The following TMEM266 variants were observed in gnomAD, a reference collection of about 807,000 sequenced individuals.
TMEM266 encodes the protein Hv1 related protein 1.
TMEM266 carries 33 observed loss-of-function variants against 50.5 expected under a neutral mutation model. That is an observed-to-expected ratio of 0.65 (90% CI 0.50 to 0.87). TMEM266 has a LOEUF of 0.87. Among genes scored for constraint, TMEM266 ranks in the 40% least tolerant of loss-of-function variants. The probability of loss-of-function intolerance (pLI) is 0.00; values close to 1 mark genes in which losing one functional copy is unlikely to be tolerated. For missense variants in TMEM266, 655 were observed against 695.1 expected (o/e 0.94, Z 0.65); for synonymous variants, 310 against 292.3 (o/e 1.06, Z -0.62).
chr15:76,191,520 G>C (rs555162724), intron 8 of TMEM266: 1 of 154,038 alleles, frequency 6.5e-6, no homozygotes, highest in South Asian at 2.0e-4. Flanking sequence ...CGCCAGGATG[G>C]GGTCCCCCAG....
intron 10 of TMEM266, among the ~76,000 whole-genome samples, chr15:76,202,955 C>T (rs2038772786): frequency 6.6e-6 from 1 of 152,074 alleles, no homozygotes; most frequent in Admixed American, 6.5e-5. Flanking sequence ...CTCTTCTCTC[C>T]TCCCTCAAAG....
At chr15:76,202,307 G>C in intron 10 of TMEM266, 43 bp downstream of exon 10, 1 of 1,553,508 alleles carries the variant, frequency 6.4e-7, no homozygotes, top group Non-Finnish European at 8.8e-7. Flanking sequence ...CACAACCCCA[G>C]CAATCCCTAA....
At position 76,204,312 on chromosome 15, in the gene TMEM266, C is replaced by G. The variant is rs775551637; in HGVS notation, c.1593C>G (p.Ala531=). The change falls in exon 11 of 11, where the codon GCC becomes GCG. Residue 531 remains alanine, a synonymous_variant. Coordinates refer to ENST00000388942, the MANE Select transcript of TMEM266 (RefSeq NM_152335.3). The stretch of plus-strand genomic sequence containing the variant: ...AAAAGCTGCACAGGGTCCCTGAGGC[C>G]TAGAGCCTGCCATGGGCTGGGTGAG... 1.9e-6 allele frequency: 3 copies of G among 1,598,248 alleles called. No individual in the cohort carries two copies. Among genetic ancestry groups the G allele is most frequent in the African/African-American group, 2.7e-5 (2 of 74,770 alleles).
chr15:76,082,485 G>A (rs2036709914), intron 1 of TMEM266, among the ~76,000 whole-genome samples: 1 of 152,220 alleles, frequency 6.6e-6, no homozygotes, highest in Non-Finnish European at 1.5e-5. Flanking sequence ...AGAGTATTAT[G>A]ATGGAGTCAG....
chr15:76,083,537 T>C (rs1025143925), intron 1 of TMEM266, among the ~76,000 whole-genome samples: 4 of 152,184 alleles, frequency 2.6e-5, no homozygotes, highest in African/African-American at 9.7e-5. Context: ...ACTTAATTCC[T>C]GCATCTCCTT....
chr15:76,102,862 G>T (rs936530396), intron 1 of TMEM266, among the ~76,000 whole-genome samples: 1 of 146,168 alleles, frequency 6.8e-6, no homozygotes, highest in African/African-American at 2.6e-5. Flanking sequence ...AAAAAAAAAC[G>T]GAGTCAGTGT....
intron 1 of TMEM266, among the ~76,000 whole-genome samples, chr15:76,083,886 G>C (rs1322017458): frequency 6.6e-6 from 1 of 152,214 alleles, no homozygotes; most frequent in East Asian, 1.9e-4. Flanking sequence ...GTCAGGTAGA[G>C]AGAAGGAAAT....
At chr15:76,061,352 A>G (rs1449020156) in intron 1 of TMEM266, among the ~76,000 whole-genome samples, 1 of 152,184 alleles carries the variant, frequency 6.6e-6, no homozygotes, top group African/African-American at 2.4e-5. Context: ...TGCTATGTCC[A>G]TGTTGAAGAT....
chr15:76,199,943 A>G (rs1285212377), intron 9 of TMEM266, among the ~76,000 whole-genome samples: 1 of 152,178 alleles, frequency 6.6e-6, no homozygotes, highest in Non-Finnish European at 1.5e-5. Flanking sequence ...CGTGAGTAGA[A>G]ATGGGCTTGT....
intron 4 of TMEM266, among the ~76,000 whole-genome samples, chr15:76,158,962 G>A (rs2037970321): frequency 6.6e-6 from 1 of 152,164 alleles, no homozygotes; most frequent in Non-Finnish European, 1.5e-5. Context: ...GAGGTTGTGG[G>A]TTCCTCTGTT....
At chr15:76,088,785 A>G (rs964237861) in intron 1 of TMEM266, among the ~76,000 whole-genome samples, 8 of 150,328 alleles carry the variant, frequency 5.3e-5, no homozygotes, top group Non-Finnish European at 1.0e-4. Context: ...CTACAGAGTG[A>G]GACTCCATCT....
rs182494968 is a variant in TMEM266, at chr15:76,064,240, G to A, written c.-97+4224G>A. Among the ~76,000 whole-genome samples the A allele has an allele frequency of 4.4e-4, 67 of 152,264 alleles. 1 individual carries two copies. Among genetic ancestry groups the A allele is most frequent in the African/African-American group, 1.5e-3 (61 of 41,546 alleles). On this transcript the variant is annotated intron_variant, in intron 1 of 10. Transcript: ENST00000388942. ...CTTGCACTGCCTGCATTATTAGCCTGTTGCATTTTTTAAACATTAAATACC... is the reference window on the plus strand; with the variant it reads ...CTTGCACTGCCTGCATTATTAGCCTATTGCATTTTTTAAACATTAAATACC...
At chr15:76,189,938 C>T (rs1567182109) in intron 8 of TMEM266, among the ~76,000 whole-genome samples, 1 of 152,256 alleles carries the variant, frequency 6.6e-6, no homozygotes, top group Non-Finnish European at 1.5e-5. Context: ...TGAAAACCTG[C>T]AGTCCCAGAG....
At position 76,139,267 on chromosome 15, in the gene TMEM266, T is replaced by C. The variant is rs2037639567; in HGVS notation, c.227+1372T>C. ...CAATGGTGAAACCACACACCTTTTT[T>C]TGCAGAAACTACACCCCAGTGGCTT... On this transcript the variant is annotated intron_variant, in intron 3 of 10. Transcript: ENST00000388942. This position sits in a 1 kb window ranked among gnomAD's most constrained non-coding sequence, Gnocchi z 4.1. Among the ~76,000 whole-genome samples the C allele has an allele frequency of 6.6e-6, 1 of 152,240 alleles. No individual in the cohort carries two copies. The highest frequency in any genetic ancestry group is 2.4e-5 in the African/African-American group (1 of 41,464).
intron 1 of TMEM266, among the ~76,000 whole-genome samples, chr15:76,091,946 A>T (rs1407692972): frequency 2.0e-5 from 3 of 151,966 alleles, no homozygotes; most frequent in Admixed American, 6.5e-5. Context: ...AGCACTGATT[A>T]TGCCACTGCA....
At chr15:76,181,454 T>C (rs1343233719) in intron 8 of TMEM266, 4 of 152,296 alleles carry the variant, frequency 2.6e-5, no homozygotes, top group African/African-American at 7.2e-5. Flanking sequence ...CCATGCCTTC[T>C]GCAGTCCCTT....
intron 9 of TMEM266, among the ~76,000 whole-genome samples, chr15:76,195,036 T>C (rs1209264234): frequency 6.6e-6 from 1 of 152,172 alleles, no homozygotes; most frequent in Non-Finnish European, 1.5e-5. Context: ...TGGAACAACC[T>C]TTAGTTCTGT....
In TMEM266 at chr15:76,160,325, G is replaced by T. The variant is rs988459741; in HGVS notation, c.456+157G>T. Among the ~76,000 whole-genome samples the T allele has an allele frequency of 6.6e-6, 1 of 152,210 alleles. No homozygotes were observed. Among genetic ancestry groups the T allele is most frequent in the African/African-American group, 2.4e-5 (1 of 41,452 alleles). ...CACAATATAGATAGATGATCTCTGC[G>T]GGGGGAAGTGGTACAGGGAGCCCAA... On this transcript the variant is annotated intron_variant, in intron 5 of 10. Coordinates refer to ENST00000388942, the MANE Select transcript of TMEM266 (RefSeq NM_152335.3). This position sits in a 1 kb window ranked among gnomAD's most constrained non-coding sequence, Gnocchi z 5.7.
At chr15:76,196,303 C>T (rs2038655528) in intron 9 of TMEM266, among the ~76,000 whole-genome samples, 1 of 152,174 alleles carries the variant, frequency 6.6e-6, no homozygotes, top group Admixed American at 6.5e-5. Context: ...ACTGCCTGCC[C>T]CAGCCTAGGC....
Sources: gnomAD v4.1 joint callset for allele counts (sites outside exome capture counted in the v4.1 genomes callset) on GRCh38, gnomAD v4.1.1 for gene constraint, Gnocchi (gnomAD v3.1) non-coding constraint, MANE v1.5 for transcripts, NCBI Gene and HGNC (gene_info 2026-07-23, HGNC 2026-07-21) for gene names.